The following EGLN2 variants were observed in gnomAD, a reference collection of about 807,000 sequenced individuals.
The protein encoded by EGLN2 is egl-9 family hypoxia inducible factor 2.
EGLN2 carries 15 observed loss-of-function variants against 38.2 expected under a neutral mutation model. That is an observed-to-expected ratio of 0.39 (90% CI 0.26 to 0.60). The LOEUF (loss-of-function observed/expected upper bound fraction) is 0.60, where lower values mean the gene tolerates loss of function less well. EGLN2 is among the 20% of genes least tolerant of loss of function. EGLN2 has a pLI of 0.50. For synonymous variants in EGLN2, 284 were observed against 237.4 expected (o/e 1.20, Z -1.81); for missense variants, 492 against 570.4 (o/e 0.86, Z 1.40).
rs553101435 is a variant in EGLN2 at position 40,807,079 on chromosome 19, C to T, written c.964-59C>T. ...GCCTCCTAGTGGGCTCCCGGGGCAC[C>T]GTGGGAGGCAGCGGCTCCTGGCCGT... On this transcript the variant is annotated intron_variant, in intron 3 of 5. Coordinates refer to ENST00000303961, the MANE Select transcript of EGLN2 (RefSeq NM_080732.4). The T allele has an allele frequency of 2.5e-4, 402 of 1,601,564 alleles. 1 individual carries two copies. The African/African-American group carries it at 4.9e-3, about 20-fold the overall frequency.
chr19:40,800,110 A>T (rs1255928146), intron 1 of EGLN2: 1 of 176,810 alleles, frequency 5.7e-6, no homozygotes, highest in Non-Finnish European at 1.2e-5. Flanking sequence ...TCATCTACCC[A>T]GCCCCTGGCC....
chr19:40,801,505 G>A, intron 2 of EGLN2, 90 bp downstream of exon 2: 1 of 1,518,968 alleles, frequency 6.6e-7, no homozygotes, highest in Non-Finnish European at 8.8e-7. Context: ...TTTGGAGACA[G>A]GCTTCTGGGA....
At position 40,807,152 on chromosome 19, in the gene EGLN2, G is replaced by A. The variant is rs2083310260; in HGVS notation, c.978G>A (p.Leu326=). The change falls in exon 4 of 6, where the codon CTG becomes CTA. Residue 326 remains leucine (L), a synonymous_variant. Coordinates refer to ENST00000303961, the MANE Select transcript of EGLN2 (RefSeq NM_080732.4). ...QNWDVKVHGG[L]LQIFPEGRPV... is the part of the protein sequence containing the mutation. ...CCTGCCCCCAGGTGCATGGCGGCCT[G>A]CTGCAGATCTTCCCTGAGGGCCGGC... 1.9e-6 allele frequency: 3 copies of A among 1,613,982 alleles called. No homozygotes were observed. The highest frequency in any genetic ancestry group is 3.3e-5 in the Admixed American group (2 of 59,998).
chr19:40,802,260 A>G (rs1329535165), intron 2 of EGLN2, among the ~76,000 whole-genome samples: 1 of 152,064 alleles, frequency 6.6e-6, no homozygotes, highest in African/African-American at 2.4e-5. Context: ...CCTGGACTGC[A>G]TTGTGCCCTG....
intron 2 of EGLN2, chr19:40,805,646 G>A (rs2083295676): frequency 6.6e-6 from 1 of 152,254 alleles, no homozygotes; most frequent in Admixed American, 6.5e-5. Context: ...GCTCCCTGAT[G>A]ACAAACATCC....
chr19:40,800,550 C>T lies in EGLN2; in HGVS notation c.-23C>T, dbSNP rs1165193246. ...GGGCCCGGGCGGTGCCCTCCATGCCCGGGGGATGAAGACACTGCTGCCATG... is the reference window on the plus strand; with the variant it reads ...GGGCCCGGGCGGTGCCCTCCATGCCTGGGGGATGAAGACACTGCTGCCATG... On this transcript the variant is annotated 5_prime_UTR_variant, in exon 2 of 6. Coordinates refer to ENST00000303961, the MANE Select transcript of EGLN2 (RefSeq NM_080732.4). The T allele has an allele frequency of 9.0e-6, 14 of 1,558,664 alleles. No homozygotes were observed. Among genetic ancestry groups the T allele is most frequent in the Middle Eastern group, 2.2e-4 (1 of 4,626 alleles).
rs1379904533 is a variant in EGLN2, at chr19:40,801,294, C to T, written c.722C>T (p.Ala241Val). The T allele has an allele frequency of 1.2e-5, 19 of 1,613,030 alleles. No homozygotes were observed. The highest frequency in any genetic ancestry group is 2.7e-5 in the African/African-American group (2 of 74,960). Residue 241 changes from alanine to valine, a missense_variant, in exon 2 of 6, where the codon GCC (alanine) becomes GTC (valine). This residue lies in a region of EGLN2 where 378 missense variants were observed against 386.2 expected (regional missense o/e 0.98). Coordinates refer to ENST00000303961, the MANE Select transcript of EGLN2 (RefSeq NM_080732.4). ...PPRSIRGDQI[A>V]WVEGHEPGCR... is the part of the protein sequence containing the mutation. ...CGCAGCATCCGTGGGGACCAGATTG[C>T]CTGGGTGGAAGGCCATGAACCAGGC...
chr19:40,806,277 CTG>C (rs2063108790), intron 2 of EGLN2: 1 of 457,188 alleles, frequency 2.2e-6, no homozygotes. Context: ...AAATCAAACT[CTG>C]TTACTAATTG....
rs780602477 is a variant in EGLN2, at chr19:40,801,308, C to G, written c.736C>G (p.His246Asp). 11 of 1,612,960 alleles carry G rather than the reference C, an allele frequency of 6.8e-6. No homozygotes were observed. The Admixed American group carries it at 1.2e-4, about 17-fold the overall frequency. The change falls in exon 2 of 6, where the codon CAT becomes GAT. Residue 246 changes from histidine to aspartate, a missense_variant. Physicochemically the swap from His to Asp is moderately conservative, Grantham distance 81. Transcript: ENST00000303961. The part of the protein sequence containing the change: ...RGDQIAWVEG[H>D]EPGCRSIGAL... ...GGACCAGATTGCCTGGGTGGAAGGCCATGAACCAGGCTGTCGAAGCATTGG... is the reference window on the plus strand; with the variant it reads ...GGACCAGATTGCCTGGGTGGAAGGCGATGAACCAGGCTGTCGAAGCATTGG...
At chr19:40,806,512 C>A (rs1181726015) in intron 2 of EGLN2, 43 bp from the exon 3 acceptor site, 1 of 1,609,526 alleles carries the variant, frequency 6.2e-7, no homozygotes, top group Admixed American at 1.7e-5. Flanking sequence ...CTAAGATGTG[C>A]CTGCCTAGCC....
chr19:40,803,646 C>G lies in EGLN2; in HGVS notation c.843+2231C>G, dbSNP rs2083279943. ...TTCTGAGTGGAGCTCCTGTGTCATC[C>G]TTCCTTCCCCCAACTCCCTGGTTGG... On this transcript the variant is annotated intron_variant, in intron 2 of 5. Coordinates refer to ENST00000303961, the MANE Select transcript of EGLN2 (RefSeq NM_080732.4). Among the ~76,000 whole-genome samples, 7 of 152,276 alleles carry G rather than the reference C, an allele frequency of 4.6e-5. No individual in the cohort carries two copies. The South Asian group carries it at 1.5e-3, about 32-fold the overall frequency.
chr19:40,806,726 G>T, intron 3 of EGLN2, 52 bp downstream of exon 3: 3 of 1,597,488 alleles, frequency 1.9e-6, no homozygotes, highest in Non-Finnish European at 2.6e-6. Flanking sequence ...GCTGGGGCGG[G>T]GGTGGCGTGC....
chr19:40,801,996 C>G (rs971209039), intron 2 of EGLN2, among the ~76,000 whole-genome samples: 1 of 152,124 alleles, frequency 6.6e-6, no homozygotes, highest in East Asian at 1.9e-4. Context: ...CTCCTGGTGT[C>G]AGTCTGTGGC....
chr19:40,805,128 A>G (rs1343168349), intron 2 of EGLN2: 2 of 152,232 alleles, frequency 1.3e-5, no homozygotes, highest in Non-Finnish European at 2.9e-5. Context: ...GTGAATGTTT[A>G]TCTTGGGACT....
intron 5 of EGLN2, 27 bp from the exon 6 acceptor site, chr19:40,807,774 ATGACTCAC>A: frequency 6.2e-7 from 1 of 1,611,098 alleles, no homozygotes; most frequent in Non-Finnish European, 8.5e-7. Context: ...TGTCCTTCTG[ATGACTCAC>A]TGTCTCCTGT....
chr19:40,806,488 T>G, intron 2 of EGLN2, 67 bp from the exon 3 acceptor site: 1 of 1,600,252 alleles, frequency 6.2e-7, no homozygotes, highest in Non-Finnish European at 8.5e-7. Flanking sequence ...AATAGGTAAT[T>G]CATGGCTGCT....
intron 3 of EGLN2, 68 bp downstream of exon 3, chr19:40,806,742 C>G (rs2083304416): frequency 6.3e-7 from 1 of 1,580,278 alleles, no homozygotes; most frequent in Admixed American, 1.7e-5. Context: ...CGTGCGTCCA[C>G]TCCATTTTCC....
intron 4 of EGLN2, 49 bp downstream of exon 4, chr19:40,807,323 A>G (rs370703539): frequency 2.2e-5 from 35 of 1,612,436 alleles, no homozygotes; most frequent in African/African-American, 1.3e-4. Context: ...CCCTGTGACA[A>G]TGTCCTGTCA....
At chr19:40,803,050 G>T (rs982067957) in intron 2 of EGLN2, 1 of 152,246 alleles carries the variant, frequency 6.6e-6, no homozygotes, top group Non-Finnish European at 1.5e-5. Context: ...AGCCAGAGCC[G>T]GCCCCTCCCT....
Sources: allele counts gnomAD v4.1 joint callset (sites outside exome capture counted in the v4.1 genomes callset), GRCh38; gene constraint gnomAD v4.1.1; regional missense constraint gnomAD v4.1.1; transcripts MANE v1.5; gene names NCBI Gene and HGNC (gene_info 2026-07-23, HGNC 2026-07-21).